PTPRB: variants seen among roughly 807,000 people sequenced by gnomAD.
The protein encoded by PTPRB is receptor-type tyrosine-protein phosphatase beta.
PTPRB carries 97 observed loss-of-function variants against 238.1 expected under a neutral mutation model. That is an observed-to-expected ratio of 0.41 (90% CI 0.35 to 0.48). The LOEUF (loss-of-function observed/expected upper bound fraction) is 0.48. Ranked by LOEUF, PTPRB falls within the 20% of genes least tolerant of loss-of-function variation. The pLI, the probability that PTPRB is intolerant of heterozygous loss-of-function variation, is 0.30. For synonymous variants in PTPRB, 970 were observed against 995.4 expected, an observed-to-expected ratio of 0.97 and a Z score of 0.48; for missense variants, 2,292 against 2,681.9, an observed-to-expected ratio of 0.85 and a Z score of 3.21.
chr12:70,531,366 G>A lies in PTPRB; in HGVS notation c.6504+669C>T, dbSNP rs140468005. 1.6e-3 allele frequency among the ~76,000 whole-genome samples: 248 copies of A among 152,170 alleles called. 1 individual carries two copies. The highest frequency in any genetic ancestry group is 5.7e-3 in the African/African-American group (236 of 41,492). ...ACTTGGAGAAAAACTTGTGAAACAC[G>A]AGGGTAAGAGAATTTGAGCCTTAGA... On this transcript the variant is annotated intron_variant, in intron 32 of 33. Coordinates refer to ENST00000334414, the MANE Select transcript of PTPRB (RefSeq NM_001109754.4).
chr12:70,631,979 A>T (rs1885473505), intron 2 of PTPRB, among the ~76,000 whole-genome samples: 1 of 152,148 alleles, frequency 6.6e-6, no homozygotes, highest in Non-Finnish European at 1.5e-5. Flanking sequence ...CACTGTTGGT[A>T]GGAGTGTAAA....
rs758992828 is a variant in PTPRB at position 70,581,096 on chromosome 12, C to T, written c.2518G>A (p.Val840Met). 1 of 1,614,046 alleles carries T rather than the reference C, an allele frequency of 6.2e-7. No homozygotes were observed. Among genetic ancestry groups the T allele is most frequent in the Admixed American group, 1.7e-5 (1 of 60,028 alleles). ...ATCCCTCCACTCACTGTTGTTACCA[C>T]CACGGAGTACAGGCTGCCGGACTTG... ...SLKSGSLYSV[V>M]VTTVSGGISS... is the part of the protein sequence containing the mutation. Residue 840 changes from valine to methionine, a missense_variant, in exon 10 of 34, where the codon GTG becomes ATG. By Grantham distance (21) the Val-to-Met change is conservative. This residue lies in a region of PTPRB where 1,205 missense variants were observed against 1,287.8 expected (regional missense o/e 0.94). Coordinates refer to ENST00000334414, the MANE Select transcript of PTPRB (RefSeq NM_001109754.4).
At position 70,535,964 on chromosome 12, in the gene PTPRB, G is replaced by T. The variant is rs976017097; in HGVS notation, c.6081+61C>A. 305 of 1,597,284 alleles carry T rather than the reference G, an allele frequency of 1.9e-4. 4 individuals carry two copies. In the South Asian group the frequency reaches 3.0e-3, roughly 16 times the overall value. On this transcript the variant is annotated intron_variant, in intron 29 of 33. Coordinates refer to ENST00000334414, the MANE Select transcript of PTPRB (RefSeq NM_001109754.4). Reference sequence around the variant, plus strand: ...TGCGGGGTTTCACTTTGATGATGGGGCAGAATTCTATCCAGGTGGCAGAAA... The same window carrying T: ...TGCGGGGTTTCACTTTGATGATGGGTCAGAATTCTATCCAGGTGGCAGAAA...
chr12:70,559,018 G>A, intron 18 of PTPRB: 1 of 440,858 alleles, frequency 2.3e-6, no homozygotes, highest in Non-Finnish European at 4.0e-6. Context: ...CCTTTTCCAA[G>A]AAGTTCTCTT....
chr12:70,629,887 T>C (rs1329098755), intron 2 of PTPRB, among the ~76,000 whole-genome samples: 1 of 152,170 alleles, frequency 6.6e-6, no homozygotes, highest in Admixed American at 6.6e-5. Context: ...TGTCCAAGAC[T>C]AAACCAGGAA....
chr12:70,568,680 A>G (rs778196119), intron 14 of PTPRB, among the ~76,000 whole-genome samples: 8 of 152,234 alleles, frequency 5.3e-5, no homozygotes, highest in Non-Finnish European at 7.3e-5. Context: ...AAATAGAGGC[A>G]TAGTAGGGCA....
rs2136564599 is a variant in PTPRB, at chr12:70,616,629, C to T, written c.708+5761G>A. 2.0e-5 allele frequency among the ~76,000 whole-genome samples: 3 copies of T among 152,252 alleles called. No homozygotes were observed. The South Asian group carries it at 6.2e-4, about 32-fold the overall frequency. ...CCAGGTGATTCCGATATATGTATAACCAATGGTAAGCACCACAAGCTTCCC... is the reference window on the plus strand; with the variant it reads ...CCAGGTGATTCCGATATATGTATAATCAATGGTAAGCACCACAAGCTTCCC... On this transcript the variant is annotated intron_variant, in intron 3 of 33. Coordinates refer to ENST00000334414, the MANE Select transcript of PTPRB (RefSeq NM_001109754.4).
At chr12:70,576,679 G>GGGGGGGGGGGGGGGGGT (rs1555230214) in intron 10 of PTPRB, 34 bp from the exon 11 acceptor site, 1 of 221,762 alleles carries the variant, frequency 4.5e-6, no homozygotes, top group African/African-American at 5.3e-5. Flanking sequence ...CGGGGGGGGG[G>GGGGGGGGGGGGGGGGGT]GGGAAGGGGG....
chr12:70,521,494 G>T lies in PTPRB; in HGVS notation c.6643C>A (p.His2215Asn), dbSNP rs866883478. The change falls in exon 34 of 34, where the codon CAT (histidine) becomes AAT (asparagine). Residue 2215 changes from histidine (H) to asparagine (N), a missense_variant. Physicochemically the swap from His to Asn is moderately conservative, Grantham distance 68 (BLOSUM62 1). Coordinates refer to ENST00000334414, the MANE Select transcript of PTPRB (RefSeq NM_001109754.4). ...EYHRDPVYSR[H>N] is the part of the protein sequence containing the mutation. ...GGAGCTCTTCAGGTACATTCTCAAT[G>T]CCTTGAATAGACTGGATCTGAAAGG... 1.9e-6 allele frequency: 3 copies of T among 1,545,290 alleles called. No individual in the cohort carries two copies. The highest frequency in any genetic ancestry group is 2.7e-5 in the African/African-American group (2 of 72,770).
chr12:70,581,157 G>A lies in PTPRB; in HGVS notation c.2457C>T (p.Ile819=), dbSNP rs1331122913. 1 of 1,613,914 alleles carries A rather than the reference G, an allele frequency of 6.2e-7. No homozygotes were observed. The highest frequency in any genetic ancestry group is 8.5e-7 in the Non-Finnish European group (1 of 1,179,916). Residue 819 remains isoleucine, a synonymous_variant, in exon 10 of 34, where the codon ATC becomes ATT. Transcript: ENST00000334414. ...HENVVIKNES[I]SSETSRYSFH... ...AGCTGTATCTGCTGGTCTCACTGGA[G>A]ATGCTTTCATTTTTAATGACCACAT...
In PTPRB at chr12:70,560,411, C is replaced by T. The variant is rs1878338580; in HGVS notation, c.4432+260G>A. Reference sequence around the variant, plus strand: ...CACAGTGATGATGTATATGATTATTCCCACTTTGCAGATAAGAAAACTGAG... The same window carrying T: ...CACAGTGATGATGTATATGATTATTTCCACTTTGCAGATAAGAAAACTGAG... On this transcript the variant is annotated intron_variant, in intron 17 of 33. Transcript: ENST00000334414. This position sits in a 1 kb window ranked among gnomAD's most constrained non-coding sequence, Gnocchi z 4.2. Among the ~76,000 whole-genome samples, 1 of 152,116 alleles carries T rather than the reference C, an allele frequency of 6.6e-6. No individual in the cohort carries two copies. Among genetic ancestry groups the T allele is most frequent in the Non-Finnish European group, 1.5e-5 (1 of 68,026 alleles).
chr12:70,551,281 C>T (rs1876848829), intron 21 of PTPRB, among the ~76,000 whole-genome samples: 1 of 152,120 alleles, frequency 6.6e-6, no homozygotes, highest in African/African-American at 2.4e-5. Context: ...ATCTTGTTTC[C>T]TTTAGGTAGG....
chr12:70,570,076 T>C (rs1879844456), intron 13 of PTPRB, 138 bp from the exon 14 acceptor site: 3 of 812,780 alleles, frequency 3.7e-6, no homozygotes, highest in Middle Eastern at 3.3e-4. Context: ...AATTTGCCAC[T>C]TTTCTCTGAT....
At chr12:70,619,105 C>T (rs1435587438) in intron 3 of PTPRB, among the ~76,000 whole-genome samples, 2 of 151,260 alleles carry the variant, frequency 1.3e-5, no homozygotes, top group Admixed American at 1.3e-4. Context: ...TGGCATTTAC[C>T]TTTATTATCA....
Position 70,587,728 on chromosome 12 carries a change from A to G in PTPRB, c.2051-461T>C, listed in dbSNP as rs74101701. On this transcript the variant is annotated intron_variant, in intron 8 of 33. Coordinates refer to ENST00000334414, the MANE Select transcript of PTPRB (RefSeq NM_001109754.4). ...ATGGAAGGGCGAGTTGGCTGGCAAT[A>G]ATAGCATTTAATTGAGGACTTATCT... 5.2e-3 allele frequency among the ~76,000 whole-genome samples: 785 copies of G among 152,246 alleles called. 6 individuals are homozygous for G. Among genetic ancestry groups the G allele is most frequent in the African/African-American group, 0.018 (750 of 41,542 alleles).
In PTPRB at chr12:70,592,310, A is replaced by G. The variant is rs1245313365; in HGVS notation, c.1752T>C (p.Ser584=). ...VTVSCVSGEL[S]AQKMAVGRTF... ...TTCTGCCCACTGCCATCTTCTGAGC[A>G]GACAGTTCACCAGAGACACAGCTGA... is the stretch of plus-strand genomic sequence containing the variant. The change falls in exon 7 of 34, where the codon TCT becomes TCC. Residue 584 remains serine, a synonymous_variant. Coordinates refer to ENST00000334414, the MANE Select transcript of PTPRB (RefSeq NM_001109754.4). The G allele has an allele frequency of 1.2e-6, 2 of 1,614,030 alleles. No homozygotes were observed. The highest frequency in any genetic ancestry group is 1.1e-5 in the South Asian group (1 of 91,088).
Position 70,571,036 on chromosome 12 carries a change from C to G in PTPRB, c.3360G>C (p.Glu1120Asp). 6.2e-7 allele frequency: 1 copy of G among 1,613,954 alleles called. No homozygotes were observed. The highest frequency in any genetic ancestry group is 8.5e-7 in the Non-Finnish European group (1 of 1,179,878). Residue 1120 changes from glutamate (E) to aspartate (D), a missense_variant, in exon 13 of 34, where the codon GAG becomes GAC. Glu to Asp is a conservative substitution (Grantham distance 45). Coordinates refer to ENST00000334414, the MANE Select transcript of PTPRB (RefSeq NM_001109754.4). ...SGDVQQSAFI[E>D]GFTVPSAVKN... Reference sequence around the variant, plus strand: ...AGTATTTCACATTACCTGTGAAGCCCTCAATGAAGGCTGACTGCTGTACAT... The same window carrying G: ...AGTATTTCACATTACCTGTGAAGCCGTCAATGAAGGCTGACTGCTGTACAT...
Position 70,521,298 on chromosome 12 carries a change from C to A in PTPRB, c.*191G>T. On this transcript the variant is annotated 3_prime_UTR_variant, in exon 34 of 34. Transcript: ENST00000334414. Reference sequence around the variant, plus strand: ...GAAAAATACATATTTACAGAAGAAACTACAAAATACAACTATGTACAATAA... The same window carrying A: ...GAAAAATACATATTTACAGAAGAAAATACAAAATACAACTATGTACAATAA... 1 of 426,060 alleles carries A rather than the reference C, an allele frequency of 2.3e-6. No homozygotes were observed. The highest frequency in any genetic ancestry group is 3.5e-5 in the East Asian group (1 of 28,896). The allele number at this position is 426,060 out of a possible 1,614,324, so 26.4% of individuals were successfully genotyped here.
intron 11 of PTPRB, among the ~76,000 whole-genome samples, chr12:70,573,505 C>CTTTTTTTTTTTTTTTTTTTTTTTTTTT (rs937307862): frequency 1.1e-5 from 1 of 90,824 alleles, no homozygotes. Flanking sequence ...CTTTTCTTTT[C>CTTTTTTTTTTTTTTTTTTTTTTTTTTT]TTTTTTTTTT....
Sources: gnomAD v4.1 joint callset for allele counts (sites outside exome capture counted in the v4.1 genomes callset) on GRCh38, gnomAD v4.1.1 for gene constraint, gnomAD v4.1.1 regional missense constraint, Gnocchi (gnomAD v3.1) non-coding constraint, MANE v1.5 for transcripts, NCBI Gene and HGNC (gene_info 2026-07-23, HGNC 2026-07-21) for gene names.